EYS: variants seen among roughly 807,000 people sequenced by gnomAD.
EYS encodes protein eyes shut homolog.
A neutral mutation model predicts 282.1 loss-of-function variants in EYS; 250 were observed. The observed-to-expected ratio is 0.89, with a 90% CI of 0.80 to 0.98. The LOEUF (loss-of-function observed/expected upper bound fraction) is 0.98, where lower values mean the gene tolerates loss of function less well. EYS is among the 50% of genes least tolerant of loss of function. The probability of loss-of-function intolerance (pLI) is 0.00; values close to 1 mark genes in which losing one functional copy is unlikely to be tolerated. For synonymous variants in EYS, 1,355 were observed against 1,282.9 expected (o/e 1.06, Z -1.20); for missense variants, 4,016 against 3,709.0 (o/e 1.08, Z -2.15).
Position 65,006,409 on chromosome 6 carries a change from C to A in EYS, c.2138-8706G>T, listed in dbSNP as rs541974930. ...GATGGGCCAAATGCATTCAGTCAGT[C>A]GGTAGGGACAACTGCTTCACTAAAA... On this transcript the variant is annotated intron_variant, in intron 13 of 42. Coordinates refer to ENST00000503581, the MANE Select transcript of EYS (RefSeq NM_001142800.2). 9.7e-5 allele frequency among the ~76,000 whole-genome samples: 14 copies of A among 143,934 alleles called. No individual in the cohort carries two copies. In the South Asian group the frequency reaches 3.2e-3, roughly 33 times the overall value. 94.4% of individuals were successfully genotyped at this position (143,934 alleles called of 152,430 possible). A position where few individuals can be genotyped will look rare whatever the true frequency, so the allele number is the denominator to read the frequency against.
chr6:64,112,723 CTTAA>C (rs1168984223), intron 31 of EYS, among the ~76,000 whole-genome samples: 1 of 149,070 alleles, frequency 6.7e-6, no homozygotes, highest in Non-Finnish European at 1.5e-5. Flanking sequence ...TAAAAATTTA[CTTAA>C]TTTTTATTAT....
chr6:64,172,079 A>G (rs1764495260), intron 31 of EYS, among the ~76,000 whole-genome samples: 1 of 152,216 alleles, frequency 6.6e-6, no homozygotes, highest in Non-Finnish European at 1.5e-5. Flanking sequence ...ATGGCAGAAT[A>G]ATCAATAGAT....
At chr6:64,952,072 C>T (rs1474466811) in intron 14 of EYS, among the ~76,000 whole-genome samples, 2 of 151,872 alleles carry the variant, frequency 1.3e-5, no homozygotes, top group South Asian at 2.1e-4. Flanking sequence ...AGCCAATGAA[C>T]AAAGACATAT....
chr6:65,423,971 T>C (rs1290092150), intron 5 of EYS, among the ~76,000 whole-genome samples: 2 of 152,012 alleles, frequency 1.3e-5, no homozygotes, highest in East Asian at 3.9e-4. Context: ...ATTTCTCTTT[T>C]AGGTTCCTAT....
At chr6:65,289,402 T>C (rs1768459536) in intron 12 of EYS, among the ~76,000 whole-genome samples, 1 of 151,002 alleles carries the variant, frequency 6.6e-6, no homozygotes, top group South Asian at 2.1e-4. Context: ...AGCTACACTT[T>C]AAAACCACAT....
chr6:65,405,560 T>G (rs928831726), intron 5 of EYS, among the ~76,000 whole-genome samples, 193 bp from the exon 6 acceptor site: 1 of 152,074 alleles, frequency 6.6e-6, no homozygotes, highest in African/African-American at 2.4e-5. Context: ...CTTTTGCAAA[T>G]GTATAGAGCT....
intron 33 of EYS, among the ~76,000 whole-genome samples, chr6:64,028,709 A>G (rs966224700): frequency 6.6e-6 from 1 of 152,168 alleles, no homozygotes; most frequent in African/African-American, 2.4e-5. Context: ...CACTGGCCCA[A>G]GATCTAGGCC....
intron 26 of EYS, among the ~76,000 whole-genome samples, chr6:64,586,238 TG>T (rs1450480815): frequency 1.3e-5 from 2 of 151,974 alleles, no homozygotes; most frequent in African/African-American, 4.8e-5. Flanking sequence ...CTCATTCTGG[TG>T]AAGAATGAGG....
rs992244110 is a variant in EYS at position 65,295,783 on chromosome 6, A to G, written c.2023+80T>C. 5.0e-5 allele frequency: 57 copies of G among 1,144,454 alleles called. No homozygotes were observed. In the African/African-American group the frequency reaches 8.8e-4, roughly 18 times the overall value. 70.9% of individuals were successfully genotyped at this position (1,144,454 alleles called of 1,614,324 possible). Reference sequence around the variant, plus strand: ...ACCAATCAATAGACACATTTGAGATATATTTGAGATATATCAAATAAATAT... The same window carrying G: ...ACCAATCAATAGACACATTTGAGATGTATTTGAGATATATCAAATAAATAT... On this transcript the variant is annotated intron_variant, in intron 12 of 42. Transcript: ENST00000503581.
At chr6:65,421,048 T>C (rs952460913) in intron 5 of EYS, among the ~76,000 whole-genome samples, 1 of 151,816 alleles carries the variant, frequency 6.6e-6, no homozygotes. Context: ...AAGATGAGCA[T>C]TGGCTTCAAC....
chr6:64,780,882 C>A (rs1773837579), intron 22 of EYS, among the ~76,000 whole-genome samples: 1 of 152,132 alleles, frequency 6.6e-6, no homozygotes, highest in Non-Finnish European at 1.5e-5. Context: ...AATAAATTCA[C>A]AGGCAAAGGA....
intron 41 of EYS, among the ~76,000 whole-genome samples, chr6:63,753,142 A>ATATATATATATATATATATATATG (rs1554166855): frequency 0.14 from 1,097 of 7,982 alleles, 14 homozygotes; most frequent in African/African-American, 0.36. Context: ...GTGTGTGTGT[A>ATATATATATATATATATATATATG]TATATATATA....
chr6:65,514,683 A>G (rs1767049689), intron 2 of EYS, among the ~76,000 whole-genome samples: 1 of 152,224 alleles, frequency 6.6e-6, no homozygotes, highest in South Asian at 2.1e-4. Flanking sequence ...AAAACAAGTG[A>G]TGGGGAAAGG....
At position 65,479,353 on chromosome 6, in the gene EYS, G is replaced by A. The variant is rs1765523087; in HGVS notation, c.862+11241C>T. Among the ~76,000 whole-genome samples the A allele has an allele frequency of 2.0e-5, 3 of 152,296 alleles. No individual in the cohort carries two copies. The South Asian group carries it at 6.2e-4, about 32-fold the overall frequency. ...GACGAGTGGATTCTAAGATTTATAT[G>A]TATATGCAAAGGATCTAGAATTGTC... is the stretch of plus-strand genomic sequence containing the variant. On this transcript the variant is annotated intron_variant, in intron 5 of 42. Coordinates refer to ENST00000503581, the MANE Select transcript of EYS (RefSeq NM_001142800.2).
chr6:64,808,059 TCTTCCCTTTCTTTCCCTTC>T, intron 22 of EYS, among the ~76,000 whole-genome samples: 2 of 146,210 alleles, frequency 1.4e-5, no homozygotes, highest in Admixed American at 6.8e-5. Flanking sequence ...CTTCTTCCCT[TCTTCCCTTTCTTTCCCTTC>T]CCTTCCTCCC....
chr6:64,817,438 C>A (rs754069460), intron 21 of EYS, among the ~76,000 whole-genome samples: 1 of 152,104 alleles, frequency 6.6e-6, no homozygotes, highest in East Asian at 1.9e-4. Context: ...ATAAAAAGCT[C>A]ATAAATTACA....
chr6:65,408,117 T>C (rs992254241), intron 5 of EYS, among the ~76,000 whole-genome samples: 3 of 152,098 alleles, frequency 2.0e-5, no homozygotes, highest in Non-Finnish European at 4.4e-5. Flanking sequence ...ATCAAACTTA[T>C]CTTGAATCCT....
intron 33 of EYS, among the ~76,000 whole-genome samples, chr6:64,026,093 A>G (rs57354939): frequency 0.016 from 2,495 of 152,278 alleles, 46 homozygotes; most frequent in African/African-American, 0.05. Flanking sequence ...CTGCTGCGTC[A>G]GTGAGCGCAA....
intron 12 of EYS, among the ~76,000 whole-genome samples, chr6:65,135,656 T>G (rs1485740330): frequency 7.7e-6 from 1 of 130,694 alleles, no homozygotes; most frequent in African/African-American, 3.4e-5. Context: ...ATAGTGAATC[T>G]CATTCATTTT....
Sources: gnomAD v4.1 joint callset for allele counts (sites outside exome capture counted in the v4.1 genomes callset) on GRCh38, gnomAD v4.1.1 for gene constraint, MANE v1.5 for transcripts, NCBI Gene and HGNC (gene_info 2026-07-23, HGNC 2026-07-21) for gene names.